Variants in USP25 observed in about 807,000 individuals in gnomAD.
USP25 encodes ubiquitin specific peptidase 25.
In USP25, 85 loss-of-function variants were observed where a neutral mutation model predicts 158.5. That is an observed-to-expected ratio of 0.54 (90% confidence interval 0.45 to 0.64). The LOEUF is 0.64. USP25 is among the 30% of genes least tolerant of loss of function. The pLI, the probability that USP25 is intolerant of heterozygous loss-of-function variation, is 0.00. For synonymous variants in USP25, 464 were observed against 460.4 expected (o/e 1.01, Z -0.10); for missense variants, 1,242 against 1,327.3 (o/e 0.94, Z 1.00).
chr21:15,735,410 A>G (rs2031391348), intron 1 of USP25, among the ~76,000 whole-genome samples: 1 of 152,222 alleles, frequency 6.6e-6, no homozygotes, highest in South Asian at 2.1e-4. Flanking sequence ...GTTAGGTATT[A>G]TAAGTAATCT....
At chr21:15,786,456 A>G (rs1471582768) in intron 4 of USP25, among the ~76,000 whole-genome samples, 1 of 152,160 alleles carries the variant, frequency 6.6e-6, no homozygotes, top group African/African-American at 2.4e-5. Flanking sequence ...CATCCCAGAG[A>G]TGGAGGGATG....
At chr21:15,736,506 T>C (rs1474124840) in intron 1 of USP25, among the ~76,000 whole-genome samples, 1 of 152,182 alleles carries the variant, frequency 6.6e-6, no homozygotes, top group African/African-American at 2.4e-5. Flanking sequence ...TTAGTCTTGT[T>C]TTCTCCATTC....
chr21:15,833,214 A>G (rs2037898381), intron 16 of USP25, 134 bp from the exon 17 acceptor site: 5 of 777,768 alleles, frequency 6.4e-6, no homozygotes, highest in Non-Finnish European at 1.0e-5. Context: ...AGCAATAGTA[A>G]TTCTTAAGTA....
intron 21 of USP25, 79 bp downstream of exon 21, chr21:15,864,525 GTATT>G (rs1266470467): frequency 1.5e-6 from 2 of 1,340,594 alleles, no homozygotes; most frequent in African/African-American, 1.5e-5. Context: ...AATTTTTTGA[GTATT>G]TATTTTATAT....
At chr21:15,857,206 C>G (rs935995671) in intron 20 of USP25, among the ~76,000 whole-genome samples, 15 of 152,306 alleles carry the variant, frequency 9.8e-5, no homozygotes, top group Admixed American at 4.6e-4. Context: ...TGGAACTCTT[C>G]AGGCAGTGTC....
At chr21:15,749,286 G>A (rs2032809965) in intron 1 of USP25, among the ~76,000 whole-genome samples, 1 of 152,290 alleles carries the variant, frequency 6.6e-6, no homozygotes, top group Non-Finnish European at 1.5e-5. Context: ...TTGTGAAATA[G>A]TATTCTTATA....
chr21:15,741,148 G>A (rs757464644), intron 1 of USP25, among the ~76,000 whole-genome samples: 4 of 149,006 alleles, frequency 2.7e-5, no homozygotes, highest in African/African-American at 5.0e-5. Context: ...TTTTTTTCTC[G>A]CATCTGACTG....
At chr21:15,852,573 C>T (rs967110197) in intron 20 of USP25, among the ~76,000 whole-genome samples, 19 of 152,094 alleles carry the variant, frequency 1.2e-4, no homozygotes, top group African/African-American at 4.1e-4. Flanking sequence ...CTTATGTGTC[C>T]AGTTCTGGTC....
At chr21:15,758,996 A>G (rs1462792322) in intron 1 of USP25, among the ~76,000 whole-genome samples, 1 of 152,216 alleles carries the variant, frequency 6.6e-6, no homozygotes, top group African/African-American at 2.4e-5. Flanking sequence ...CAACATTTGT[A>G]CAAATGACTG....
At chr21:15,737,542 C>T (rs762221832) in intron 1 of USP25, among the ~76,000 whole-genome samples, 23 of 151,956 alleles carry the variant, frequency 1.5e-4, no homozygotes, top group Non-Finnish European at 3.4e-4. Flanking sequence ...TGTTCATCTT[C>T]CTGTTGATTT....
chr21:15,828,010 C>T (rs2037612169), intron 14 of USP25, among the ~76,000 whole-genome samples: 1 of 151,308 alleles, frequency 6.6e-6, no homozygotes, highest in African/African-American at 2.4e-5. Flanking sequence ...TTATCATTCC[C>T]CAATTTTATG....
At chr21:15,818,895 CA>C in intron 10 of USP25, 49 bp downstream of exon 10, 1 of 1,589,406 alleles carries the variant, frequency 6.3e-7, no homozygotes, top group Non-Finnish European at 8.6e-7. Flanking sequence ...GTCTTTCTTA[CA>C]ATGCTATAGC....
intron 1 of USP25, among the ~76,000 whole-genome samples, chr21:15,738,046 T>G (rs993984859): frequency 6.6e-6 from 1 of 152,204 alleles, no homozygotes; most frequent in Non-Finnish European, 1.5e-5. Context: ...GTAAATGATT[T>G]TAAAAAGTTC....
intron 1 of USP25, among the ~76,000 whole-genome samples, chr21:15,761,616 G>C (rs2033729068): frequency 6.6e-6 from 1 of 152,202 alleles, no homozygotes; most frequent in African/African-American, 2.4e-5. Context: ...CACAATTTCA[G>C]TAAACACACT....
intron 20 of USP25, among the ~76,000 whole-genome samples, chr21:15,855,962 G>A (rs1033459830): frequency 6.6e-6 from 1 of 152,160 alleles, no homozygotes; most frequent in African/African-American, 2.4e-5. Context: ...TGTGTTTGGA[G>A]CTTCATCCAT....
intron 4 of USP25, among the ~76,000 whole-genome samples, chr21:15,785,828 T>G (rs1018460544): frequency 6.7e-6 from 1 of 149,844 alleles, no homozygotes; most frequent in African/African-American, 2.5e-5. Context: ...AGTAAACAAA[T>G]AGAGACTAAA....
chr21:15,868,029 A>G (rs947695027), intron 22 of USP25, among the ~76,000 whole-genome samples: 7 of 152,192 alleles, frequency 4.6e-5, no homozygotes, highest in Non-Finnish European at 7.4e-5. Context: ...GGAAATGCAA[A>G]GATCCCAGTC....
chr21:15,847,616 C>A, intron 18 of USP25, 47 bp from the exon 19 acceptor site: 1 of 1,322,346 alleles, frequency 7.6e-7, no homozygotes, highest in Non-Finnish European at 1.1e-6. Context: ...CCATTGTTCT[C>A]CACTGTTCTC....
At chr21:15,852,018 T>G (rs1413675411) in intron 20 of USP25, among the ~76,000 whole-genome samples, 2 of 152,150 alleles carry the variant, frequency 1.3e-5, no homozygotes, top group African/African-American at 2.4e-5. Flanking sequence ...CAGAGCATTT[T>G]CTTAAATAAG....
Sources: gnomAD v4.1 joint callset for allele counts (sites outside exome capture counted in the v4.1 genomes callset) on GRCh38, gnomAD v4.1.1 for gene constraint, MANE v1.5 for transcripts, NCBI Gene and HGNC (gene_info 2026-07-23, HGNC 2026-07-21) for gene names.